Variants in CHRNB3 observed in about 807,000 individuals in gnomAD.
CHRNB3 encodes neuronal acetylcholine receptor subunit beta-3.
CHRNB3 carries 37 observed loss-of-function variants against 40.6 expected under a neutral mutation model. The observed-to-expected ratio is 0.91, with a 90% CI of 0.70 to 1.20. The LOEUF is 1.20. Among genes scored for constraint, CHRNB3 ranks in the 50% most tolerant of loss-of-function variants. The pLI is 0.00. For missense variants in CHRNB3, 505 were observed against 551.2 expected (o/e 0.92, Z 0.84); for synonymous variants, 207 against 207.1 (o/e 1.00, Z 0.00).
At chr8:42,703,435 A>AAAAAT in intron 1 of CHRNB3, among the ~76,000 whole-genome samples, 10 of 47,412 alleles carry the variant, frequency 2.1e-4, no homozygotes, top group Admixed American at 4.6e-4. Flanking sequence ...AAAAAAAAAA[A>AAAAAT]ATATTTATAT....
chr8:42,722,326 C>A (rs1238692533), intron 3 of CHRNB3, among the ~76,000 whole-genome samples: 1 of 151,708 alleles, frequency 6.6e-6, no homozygotes, highest in African/African-American at 2.4e-5. Flanking sequence ...GATCGCGCCA[C>A]TGCACTCCAG....
intron 1 of CHRNB3, among the ~76,000 whole-genome samples, chr8:42,702,096 C>T (rs987154164): frequency 1.3e-5 from 2 of 152,096 alleles, no homozygotes; most frequent in African/African-American, 4.8e-5. Context: ...TCTGAGCCAG[C>T]AGCAGCACAC....
intron 3 of CHRNB3, among the ~76,000 whole-genome samples, chr8:42,727,322 G>A (rs756556166): frequency 2.0e-5 from 3 of 148,194 alleles, no homozygotes; most frequent in Non-Finnish European, 4.4e-5. Flanking sequence ...GCAGTGAGAC[G>A]AGATCCCACC....
intron 1 of CHRNB3, among the ~76,000 whole-genome samples, chr8:42,703,702 CT>C (rs1180401506): frequency 1.3e-5 from 2 of 152,004 alleles, no homozygotes; most frequent in African/African-American, 2.4e-5. Flanking sequence ...CTGGCTCTAC[CT>C]CATTCCCCTG....
At chr8:42,708,677 C>T in intron 1 of CHRNB3, 40 bp from the exon 2 acceptor site, 1 of 1,605,568 alleles carries the variant, frequency 6.2e-7, no homozygotes, top group Non-Finnish European at 8.5e-7. Context: ...GGCATCGTGC[C>T]CCTCCCATTA....
chr8:42,725,859 G>C, intron 3 of CHRNB3: 1 of 811,430 alleles, frequency 1.2e-6, no homozygotes, highest in Non-Finnish European at 2.2e-6. Context: ...GGTTCTGGGG[G>C]GTGACTTTTA....
chr8:42,707,093 T>C (rs968032107), intron 1 of CHRNB3, among the ~76,000 whole-genome samples: 5 of 152,146 alleles, frequency 3.3e-5, no homozygotes, highest in Admixed American at 1.3e-4. Flanking sequence ...AAATGTAAGG[T>C]TGCGTCTCTC....
At chr8:42,731,586 A>G in intron 4 of CHRNB3, 81 bp from the exon 5 acceptor site, 1 of 1,393,004 alleles carries the variant, frequency 7.2e-7, no homozygotes, top group Non-Finnish European at 9.7e-7. Flanking sequence ...GTCATAAAAC[A>G]GAAATAGTCA....
intron 5 of CHRNB3, among the ~76,000 whole-genome samples, chr8:42,734,765 C>A (rs17621256): frequency 0.02 from 2,987 of 152,122 alleles, 46 homozygotes; most frequent in Non-Finnish European, 0.031. Flanking sequence ...CTTGCGTTCA[C>A]AGACACTGCC....
At chr8:42,697,689 C>T in intron 1 of CHRNB3, 91 bp downstream of exon 1, 1 of 958,998 alleles carries the variant, frequency 1.0e-6, no homozygotes, top group Non-Finnish European at 1.7e-6. Flanking sequence ...GTTAGAATTA[C>T]AATATGTAAT....
chr8:42,705,599 C>A (rs1815908797), intron 1 of CHRNB3: 1 of 152,242 alleles, frequency 6.6e-6, no homozygotes, highest in South Asian at 2.1e-4. Context: ...CTTGGACTTC[C>A]CAGTCTCTAG....
chr8:42,714,068 C>T (rs996748417), intron 3 of CHRNB3, among the ~76,000 whole-genome samples: 14 of 152,186 alleles, frequency 9.2e-5, no homozygotes, highest in South Asian at 2.1e-4. Context: ...TTAGTTAATA[C>T]GCGCTGTTAT....
chr8:42,731,631 C>A, intron 4 of CHRNB3, 36 bp from the exon 5 acceptor site: 1 of 1,543,310 alleles, frequency 6.5e-7, no homozygotes, highest in Non-Finnish European at 8.7e-7. Context: ...AGCAGGTGCT[C>A]CACCGACTGC....
At chr8:42,725,694 C>T in intron 3 of CHRNB3, 1 of 934,664 alleles carries the variant, frequency 1.1e-6, no homozygotes, top group Non-Finnish European at 1.7e-6. Context: ...CCTGGAAATG[C>T]TTCTCCAGGT....
Position 42,732,449 on chromosome 8 carries a change from T to G in CHRNB3, c.1142T>G (p.Leu381Arg), listed in dbSNP as rs780008336. ...CTCGAAAAAAAGAAACAGAAACAGC[T>G]TAGTGATGGAGAAAAAGTTCTAGTT... ...KVLEKKKQKQ[L>R]SDGEKVLVAF... The change falls in exon 5 of 6, where the codon CTT becomes CGT. Residue 381 changes from leucine (L) to arginine (R), a missense_variant. Transcript: ENST00000289957. The G allele has an allele frequency of 6.2e-7, 1 of 1,613,838 alleles. No individual in the cohort carries two copies. Among genetic ancestry groups the G allele is most frequent in the African/African-American group, 1.3e-5 (1 of 74,970 alleles).
intron 3 of CHRNB3, among the ~76,000 whole-genome samples, chr8:42,720,780 G>A (rs62518203): frequency 0.057 from 8,712 of 152,266 alleles, 327 homozygotes; most frequent in Middle Eastern, 0.11. Flanking sequence ...TCCCCCTGAG[G>A]CTTGCCCTAG....
At chr8:42,732,711 A>G (rs541991265) in intron 5 of CHRNB3, among the ~76,000 whole-genome samples, 162 bp downstream of exon 5, 15 of 152,318 alleles carry the variant, frequency 9.8e-5, no homozygotes, top group African/African-American at 3.1e-4. Context: ...GACATAACAT[A>G]GCGACATTAG....
intron 3 of CHRNB3, among the ~76,000 whole-genome samples, chr8:42,713,922 G>A (rs1056659937): frequency 2.6e-5 from 4 of 152,144 alleles, no homozygotes; most frequent in Admixed American, 1.3e-4. Context: ...TGAACACTAA[G>A]CCCTGCTTCT....
chr8:42,735,726 A>C (rs915563583), intron 5 of CHRNB3, among the ~76,000 whole-genome samples: 3 of 151,962 alleles, frequency 2.0e-5, no homozygotes, highest in Non-Finnish European at 2.9e-5. Context: ...TTCCTAATAA[A>C]GGGGACTCAG....
Sources: gnomAD v4.1 joint callset for allele counts (sites outside exome capture counted in the v4.1 genomes callset) on GRCh38, gnomAD v4.1.1 for gene constraint, MANE v1.5 for transcripts, NCBI Gene and HGNC (gene_info 2026-07-23, HGNC 2026-07-21) for gene names.